The following SEC23A variants were observed in gnomAD, a reference collection of about 807,000 sequenced individuals.
The protein encoded by SEC23A is SEC23 homolog A, COPII component, also known as protein transport protein Sec23A.
In SEC23A, 56 loss-of-function variants were observed where a neutral mutation model predicts 103.7. The observed-to-expected ratio is 0.54, with a 90% CI of 0.44 to 0.67. The LOEUF (loss-of-function observed/expected upper bound fraction) is 0.67, where lower values mean the gene tolerates loss of function less well. SEC23A is among the 30% of genes least tolerant of loss of function. SEC23A has a pLI of 0.00. For missense variants in SEC23A, 784 were observed against 936.4 expected (o/e 0.84, Z 2.12); for synonymous variants, 281 against 293.0 (o/e 0.96, Z 0.42).
Position 39,048,644 on chromosome 14 carries a change from CTACT to C in SEC23A, c.1737+4_1737+7del. ...AAAGAAAAGAATATGGACCTTTTACCTACTTACCTGTGGATAAAGGGAGAAAGTT... is the reference window on the plus strand; with the variant it reads ...AAAGAAAAGAATATGGACCTTTTACCTACCTGTGGATAAAGGGAGAAAGTT... On this transcript the variant is annotated splice_donor_5th_base_variant and intron_variant, in intron 15 of 19. Coordinates refer to ENST00000307712, the MANE Select transcript of SEC23A (RefSeq NM_006364.4). 1 of 1,559,230 alleles carries C rather than the reference CTACT, an allele frequency of 6.4e-7. No homozygotes were observed. The highest frequency in any genetic ancestry group is 8.8e-7 in the Non-Finnish European group (1 of 1,130,404).
At chr14:39,072,383 A>G (rs183641708) in intron 9 of SEC23A, among the ~76,000 whole-genome samples, 1 of 152,358 alleles carries the variant, frequency 6.6e-6, no homozygotes, top group Non-Finnish European at 1.5e-5. Flanking sequence ...GAATCTGAAT[A>G]GACATTTCTC....
intron 14 of SEC23A, among the ~76,000 whole-genome samples, chr14:39,053,523 T>C (rs2139209150): frequency 6.6e-6 from 1 of 151,782 alleles, no homozygotes; most frequent in East Asian, 1.9e-4. Context: ...TTGTTTTTTT[T>C]TTTTAAAAAA....
intron 11 of SEC23A, among the ~76,000 whole-genome samples, chr14:39,063,729 G>A (rs943163861): frequency 2.0e-5 from 3 of 152,108 alleles, no homozygotes; most frequent in Non-Finnish European, 4.4e-5. Flanking sequence ...AGGGGCGGTG[G>A]CTCCCACCTG....
chr14:39,076,165 A>G, intron 7 of SEC23A, 72 bp from the exon 8 acceptor site: 1 of 1,088,202 alleles, frequency 9.2e-7, no homozygotes, highest in South Asian at 1.5e-5. Flanking sequence ...TTTTTTATAT[A>G]TTCCTTCTAA....
chr14:39,051,808 C>CA lies in SEC23A; in HGVS notation c.1660-3080dup, dbSNP rs766720736. ...TGAAATCCCGTCTCTACTAAAAATA[C>CA]AAAAAAAAAATCACCTGGGTGTGGT... On this transcript the variant is annotated intron_variant, in intron 14 of 19. Coordinates refer to ENST00000307712, the MANE Select transcript of SEC23A (RefSeq NM_006364.4). Among the ~76,000 whole-genome samples, 1,182 of 147,946 alleles carry CA rather than the reference C, an allele frequency of 8.0e-3. 18 individuals carry two copies. The highest frequency in any genetic ancestry group is 0.027 in the African/African-American group (1,081 of 40,418).
rs772165680 is a variant in SEC23A, at chr14:39,055,175, G to A, written c.1627C>T (p.Leu543Phe). 5 of 1,614,030 alleles carry A rather than the reference G, an allele frequency of 3.1e-6. No individual in the cohort carries two copies. The East Asian group carries it at 8.9e-5, about 29-fold the overall frequency. Residue 543 changes from leucine to phenylalanine, a missense_variant, in exon 14 of 20, where the codon CTT becomes TTT. By Grantham distance (22) the Leu-to-Phe change is conservative (BLOSUM62 0). Transcript: ENST00000307712. ...ATGAGCTGTCTGTCCAGCCACCTAA[G>A]CACATCTGGACCTTCTTCTGTTTCT... ...RAETEEGPDV[L>F]RWLDRQLIRL...
chr14:39,094,682 G>A (rs1196292951), intron 2 of SEC23A, among the ~76,000 whole-genome samples: 1 of 151,990 alleles, frequency 6.6e-6, no homozygotes, highest in Non-Finnish European at 1.5e-5. Context: ...AGTATGATCA[G>A]AATGAAAAGG....
intron 8 of SEC23A, 69 bp from the exon 9 acceptor site, chr14:39,074,599 T>C (rs915515302): frequency 5.6e-6 from 5 of 885,676 alleles, no homozygotes; most frequent in Admixed American, 5.5e-5. Flanking sequence ...CATTAACAGA[T>C]CAAAATGATC....
intron 1 of SEC23A, among the ~76,000 whole-genome samples, chr14:39,100,665 A>G (rs1594493824): frequency 6.6e-6 from 1 of 151,892 alleles, no homozygotes; most frequent in African/African-American, 2.4e-5. Flanking sequence ...CACCCACCTC[A>G]GCCTCCCAAA....
rs1886206153 is a variant in SEC23A, at chr14:39,055,361, T to C, written c.1506-65A>G. 4 of 1,509,644 alleles carry C rather than the reference T, an allele frequency of 2.6e-6. No homozygotes were observed. In the African/African-American group the frequency reaches 4.1e-5, roughly 16 times the overall value. 93.5% of individuals were successfully genotyped at this position (1,509,644 alleles called of 1,614,324 possible). Reference sequence around the variant, plus strand: ...TTATACCCACAATATCATAGTTGGCTACCACACAAATTTAAATTTAAAAGA... The same window carrying C: ...TTATACCCACAATATCATAGTTGGCCACCACACAAATTTAAATTTAAAAGA... On this transcript the variant is annotated intron_variant, in intron 13 of 19. Coordinates refer to ENST00000307712, the MANE Select transcript of SEC23A (RefSeq NM_006364.4).
intron 19 of SEC23A, among the ~76,000 whole-genome samples, chr14:39,038,642 G>A (rs143598477): frequency 6.6e-6 from 1 of 152,130 alleles, no homozygotes; most frequent in Non-Finnish European, 1.5e-5. Flanking sequence ...ACCACACCCA[G>A]CAGGACTTTT....
chr14:39,035,142 A>G (rs1885418526), intron 19 of SEC23A, among the ~76,000 whole-genome samples: 1 of 151,742 alleles, frequency 6.6e-6, no homozygotes, highest in South Asian at 2.1e-4. Context: ...ATGAGCCTCA[A>G]TTTCCTCTCA....
chr14:39,071,059 AC>A (rs1474183145), intron 9 of SEC23A, among the ~76,000 whole-genome samples: 2 of 151,996 alleles, frequency 1.3e-5, no homozygotes, highest in Non-Finnish European at 2.9e-5. Flanking sequence ...TAAACGACTT[AC>A]CCCGAAGATC....
At chr14:39,063,153 A>G (rs1483472551) in intron 12 of SEC23A, among the ~76,000 whole-genome samples, 171 bp downstream of exon 12, 1 of 152,216 alleles carries the variant, frequency 6.6e-6, no homozygotes, top group East Asian at 1.9e-4. Context: ...ACTCTCACCA[A>G]GGAGTTTAGC....
chr14:39,061,740 C>A, intron 13 of SEC23A, 25 bp downstream of exon 13: 1 of 1,532,592 alleles, frequency 6.5e-7, no homozygotes, highest in South Asian at 1.1e-5. Flanking sequence ...ATATGAAAAT[C>A]AAATCTCTAA....
intron 9 of SEC23A, among the ~76,000 whole-genome samples, chr14:39,072,089 G>A (rs573898597): frequency 2.6e-5 from 4 of 151,852 alleles, no homozygotes; most frequent in East Asian, 1.9e-4. Flanking sequence ...CAAAATAGTC[G>A]GGTGTGGTGG....
chr14:39,043,573 T>G (rs957768757), intron 16 of SEC23A, among the ~76,000 whole-genome samples: 7 of 152,020 alleles, frequency 4.6e-5, no homozygotes, highest in Non-Finnish European at 1.0e-4. Flanking sequence ...GCACAAAGAT[T>G]AAAGCACAAA....
At position 39,048,682 on chromosome 14, in the gene SEC23A, T is replaced by A; in HGVS notation, c.1707A>T (p.Arg569Ser). 6.3e-7 allele frequency: 1 copy of A among 1,595,626 alleles called. No individual in the cohort carries two copies. Among genetic ancestry groups the A allele is most frequent in the East Asian group, 2.2e-5 (1 of 44,786 alleles). Residue 569 changes from arginine to serine, a missense_variant, in exon 15 of 20, where the codon AGA becomes AGT. By Grantham distance (110) the Arg-to-Ser change is moderately radical. Transcript: ENST00000307712. ...GATAAAGGGAGAAAGTTTCTGAAAA[T>A]CTGAAGGAACTTGGGTCATCTTTAT... ...EYHKDDPSSF[R>S]FSETFSLYPQ...
intron 12 of SEC23A, among the ~76,000 whole-genome samples, chr14:39,062,881 C>T (rs1467202330): frequency 1.3e-5 from 2 of 152,050 alleles, no homozygotes; most frequent in South Asian, 2.1e-4. Flanking sequence ...TTCCCAAATA[C>T]GATTACTTTC....
Sources: allele counts gnomAD v4.1 joint callset (sites outside exome capture counted in the v4.1 genomes callset), GRCh38; gene constraint gnomAD v4.1.1; transcripts MANE v1.5; gene names NCBI Gene and HGNC (gene_info 2026-07-23, HGNC 2026-07-21).